ZNF705G: variants seen among roughly 807,000 people sequenced by gnomAD.
ZNF705G encodes the protein putative zinc finger protein 705G.
ZNF705G carries 23 observed loss-of-function variants against 19.6 expected under a neutral mutation model. The ratio of observed to expected loss-of-function variants is 1.17; its 90% confidence interval spans 0.84 to 1.66. The LOEUF (loss-of-function observed/expected upper bound fraction) is 1.66, where lower values mean the gene tolerates loss of function less well. ZNF705G is among the 40% of genes most tolerant of loss of function. The pLI is 0.00. For missense variants in ZNF705G, 457 were observed against 354.4 expected (o/e 1.29, Z -2.32); for synonymous variants, 146 against 117.7 (o/e 1.24, Z -1.56).
rs1389172327 is a variant in ZNF705G, at chr8:7,360,220, A to G, written c.235+17T>C. ...AAAGCACCTCCTCCTATTAGAGCAC[A>G]GGACCCTGTTGCTTACTTGGATTCT... On this transcript the variant is annotated intron_variant, in intron 5 of 6. Coordinates refer to ENST00000400156, the MANE Select transcript of ZNF705G (RefSeq NM_001164457.3). 1 of 1,591,492 alleles carries G rather than the reference A, an allele frequency of 6.3e-7. No individual in the cohort carries two copies. Among genetic ancestry groups the G allele is most frequent in the East Asian group, 2.2e-5 (1 of 44,834 alleles).
chr8:7,363,325 T>A (rs1299764412), intron 2 of ZNF705G, among the ~76,000 whole-genome samples: 2 of 148,116 alleles, frequency 1.4e-5, no homozygotes, highest in Non-Finnish European at 2.9e-5. Flanking sequence ...AACACAGGGA[T>A]CCCTGACTCC....
At position 7,357,984 on chromosome 8, in the gene ZNF705G, G is replaced by T; in HGVS notation, c.895C>A (p.Leu299Ile). ...GTGCGTGTTCTCTCATGTCATCTAA[G>T]GTTGGAAGACAGACTGAAGGCCTTC... ...CGKAFSLSSN[L>I]R Residue 299 changes from leucine (L) to isoleucine (I), a missense_variant, in exon 7 of 7, where the codon CTT (leucine) becomes ATT (isoleucine). Leu to Ile is a conservative substitution (Grantham distance 5). Transcript: ENST00000400156. 1 of 1,609,216 alleles carries T rather than the reference G, an allele frequency of 6.2e-7. No homozygotes were observed. Among genetic ancestry groups the T allele is most frequent in the Non-Finnish European group, 8.5e-7 (1 of 1,179,778 alleles).
rs560016683 is a variant in ZNF705G, at chr8:7,359,959, G to A, written c.236-258C>T. Among the ~76,000 whole-genome samples the A allele has an allele frequency of 2.7e-5, 4 of 149,440 alleles. No homozygotes were observed. In the East Asian group the frequency reaches 5.8e-4, roughly 22 times the overall value. ...AAAAAGAGGGATAGTCTTCACAGGG[G>A]TATCAGGAAAAGAGTCAGCATATGA... On this transcript the variant is annotated intron_variant, in intron 5 of 6. Coordinates refer to ENST00000400156, the MANE Select transcript of ZNF705G (RefSeq NM_001164457.3).
rs529784348 is a variant in ZNF705G at position 7,362,576 on chromosome 8, A to C, written c.12+359T>G. ...TTAATGGGTCAATTATTTCCCTATGAGATTATAGGATGGATAGAAGAAAAA... is the reference window on the plus strand; with the variant it reads ...TTAATGGGTCAATTATTTCCCTATGCGATTATAGGATGGATAGAAGAAAAA... On this transcript the variant is annotated intron_variant, in intron 3 of 6. Coordinates refer to ENST00000400156, the MANE Select transcript of ZNF705G (RefSeq NM_001164457.3). 8.0e-5 allele frequency among the ~76,000 whole-genome samples: 12 copies of C among 149,826 alleles called. No individual in the cohort carries two copies. In the East Asian group the frequency reaches 9.6e-4, roughly 12 times the overall value.
At chr8:7,359,772 C>T (rs539919513) in intron 5 of ZNF705G, 71 bp from the exon 6 acceptor site, 246 of 1,599,782 alleles carry the variant, frequency 1.5e-4, no homozygotes, top group Admixed American at 6.7e-5. Context: ...GCCCCAAAGC[C>T]CACGTACTTT....
intron 2 of ZNF705G, among the ~76,000 whole-genome samples, chr8:7,379,831 C>T (rs1333544736): frequency 2.0e-5 from 3 of 147,000 alleles, no homozygotes; most frequent in Non-Finnish European, 2.9e-5. Flanking sequence ...GGATCGTCTG[C>T]ACCTGCCCCC....
Position 7,355,853 on chromosome 8 carries a change from T to C in ZNF705G, c.*2123A>G, listed in dbSNP as rs567051454. ...CACAGTCCTTGCCTCTCCAACCAGT[T>C]TGCCAAGGGCTTGAATTTCTTGCTC... On this transcript the variant is annotated 3_prime_UTR_variant, in exon 7 of 7. Transcript: ENST00000400156. 2 of 149,716 alleles carry C rather than the reference T, an allele frequency of 1.3e-5. No individual in the cohort carries two copies. Among genetic ancestry groups the C allele is most frequent in the Non-Finnish European group, 2.9e-5 (2 of 68,004 alleles). The allele number at this position is 149,716 out of a possible 1,614,324, so 9.3% of individuals were successfully genotyped here.
intron 2 of ZNF705G, among the ~76,000 whole-genome samples, chr8:7,367,328 G>A (rs1156748597): frequency 6.7e-6 from 1 of 149,318 alleles, no homozygotes; most frequent in Non-Finnish European, 1.5e-5. Flanking sequence ...TAATTAGGCA[G>A]CACCAGAGAG....
At chr8:7,378,012 T>C (rs1260016219) in intron 2 of ZNF705G, among the ~76,000 whole-genome samples, 1 of 148,430 alleles carries the variant, frequency 6.7e-6, no homozygotes, top group East Asian at 1.9e-4. Context: ...GATTACTGTT[T>C]GGTTTCCAGT....
chr8:7,380,247 A>T (rs9720206), intron 2 of ZNF705G, among the ~76,000 whole-genome samples: 1 of 144,710 alleles, frequency 6.9e-6, no homozygotes, highest in South Asian at 2.1e-4. Context: ...CACCTGCCTG[A>T]GCACTATTCC....
chr8:7,362,838 A>C, intron 3 of ZNF705G, 97 bp downstream of exon 3: 1 of 1,585,000 alleles, frequency 6.3e-7, no homozygotes, highest in South Asian at 1.1e-5. Flanking sequence ...CAAACAAAAA[A>C]AGAATAAAAA....
chr8:7,365,803 C>G (rs1281615280), intron 2 of ZNF705G, among the ~76,000 whole-genome samples: 7 of 149,606 alleles, frequency 4.7e-5, no homozygotes, highest in Admixed American at 3.9e-4. Context: ...TTAGACACAA[C>G]TTAGTGAAGT....
At chr8:7,367,748 G>A (rs1485164353) in intron 2 of ZNF705G, among the ~76,000 whole-genome samples, 1 of 149,544 alleles carries the variant, frequency 6.7e-6, no homozygotes, top group Non-Finnish European at 1.5e-5. Flanking sequence ...TTCCACTCCT[G>A]CTCTGAAACT....
intron 2 of ZNF705G, among the ~76,000 whole-genome samples, chr8:7,365,270 G>A (rs1311352158): frequency 6.7e-6 from 1 of 149,162 alleles, no homozygotes; most frequent in Non-Finnish European, 1.5e-5. Flanking sequence ...GGAAAAAAAT[G>A]TATTGACAAA....
chr8:7,361,365 A>T (rs537364440), intron 3 of ZNF705G, 129 bp from the exon 4 acceptor site: 2 of 1,507,396 alleles, frequency 1.3e-6, no homozygotes, highest in East Asian at 2.3e-5. Context: ...CAGCCAGTTC[A>T]TTCTCAGTAC....
At position 7,375,013 on chromosome 8, in the gene ZNF705G, G is replaced by A. The variant is rs1214979424; in HGVS notation, c.-72+6439C>T. 4.2e-5 allele frequency among the ~76,000 whole-genome samples: 4 copies of A among 94,140 alleles called. 2 individuals are homozygous for A. Among genetic ancestry groups the A allele is most frequent in the South Asian group, 7.1e-4 (2 of 2,800 alleles). The allele number at this position is 94,140 out of a possible 152,430, so 61.8% of individuals were successfully genotyped here. A position where few individuals can be genotyped will look rare whatever the true frequency, so the allele number is the denominator to read the frequency against. On this transcript the variant is annotated intron_variant, in intron 2 of 6. Transcript: ENST00000400156. ...ACATCATAATTTTAAAAAGTCTTTT[G>A]TAATTTCAATTTTTAAAAATAACTT...
At chr8:7,361,696 G>T (rs1585410937) in intron 3 of ZNF705G, among the ~76,000 whole-genome samples, 1 of 149,548 alleles carries the variant, frequency 6.7e-6, no homozygotes, top group East Asian at 1.9e-4. Flanking sequence ...CCAATCAAAT[G>T]GTTAAAAGAC....
rs556227836 is a variant in ZNF705G at position 7,383,433 on chromosome 8, C to A, written c.-221-1832G>T. On this transcript the variant is annotated intron_variant, in intron 1 of 6. Coordinates refer to ENST00000400156, the MANE Select transcript of ZNF705G (RefSeq NM_001164457.3). ...TAACAGGCACTGTCTGATTACCTTA[C>A]TTCCTCAGCCCCTGAGAAGTACCTA... 6.1e-4 allele frequency among the ~76,000 whole-genome samples: 89 copies of A among 146,650 alleles called. 3 individuals are homozygous for A. The South Asian group carries it at 9.7e-3, about 16-fold the overall frequency.
Position 7,357,893 on chromosome 8 carries a change from T to C in ZNF705G, c.*83A>G. 1.9e-6 allele frequency: 3 copies of C among 1,573,168 alleles called. No homozygotes were observed. The highest frequency in any genetic ancestry group is 2.4e-5 in the South Asian group (2 of 84,256). On this transcript the variant is annotated 3_prime_UTR_variant, in exon 7 of 7. Transcript: ENST00000400156. ...CTCTCCAGGGTGAATTTTCTGATGC[T>C]CTTTAAGATTAGTACATTGTCTGAA...
Sources: allele counts gnomAD v4.1 joint callset (sites outside exome capture counted in the v4.1 genomes callset), GRCh38; gene constraint gnomAD v4.1.1; transcripts MANE v1.5; gene names NCBI Gene and HGNC (gene_info 2026-07-23, HGNC 2026-07-21).